GNB4: variants seen among roughly 807,000 people sequenced by gnomAD.
The protein encoded by GNB4 is guanine nucleotide-binding protein subunit beta-4.
In GNB4, 28 loss-of-function variants were observed where a neutral mutation model predicts 45.2. The observed-to-expected ratio is 0.62, with a 90% CI of 0.46 to 0.85. The LOEUF (loss-of-function observed/expected upper bound fraction) is 0.85, where lower values mean the gene tolerates loss of function less well. Among genes scored for constraint, GNB4 ranks in the 40% least tolerant of loss-of-function variants. GNB4 has a pLI of 0.00. For missense variants in GNB4, 321 were observed against 425.4 expected, an observed-to-expected ratio of 0.75 and a Z score of 2.16; for synonymous variants, 132 against 143.7, an observed-to-expected ratio of 0.92 and a Z score of 0.58.
At chr3:179,498,992 C>T in the GNB4 span, among the ~76,000 whole-genome samples, 3 of 151,860 alleles carry the variant, frequency 2.0e-5, no homozygotes, top group African/African-American at 7.3e-5. Context: ...GTTCAACTCC[C>T]GCTTATCAGT....
the GNB4 span, among the ~76,000 whole-genome samples, chr3:179,517,956 G>A: frequency 6.6e-6 from 1 of 152,098 alleles, no homozygotes; most frequent in South Asian, 2.1e-4. Context: ...TTTTCTGGGG[G>A]GCAAGAACCC....
At chr3:179,415,157 A>G (rs2108591356) in intron 5 of GNB4, 110 bp from the exon 6 acceptor site, 2 of 768,396 alleles carry the variant, frequency 2.6e-6, no homozygotes, top group East Asian at 3.1e-5. Flanking sequence ...TCTAAGAAAG[A>G]TAAGTCAAAT....
the GNB4 span, among the ~76,000 whole-genome samples, chr3:179,501,649 C>T: frequency 6.6e-6 from 1 of 152,126 alleles, no homozygotes; most frequent in African/African-American, 2.4e-5. Flanking sequence ...CTTATTTCCT[C>T]TTGGACATTT....
At chr3:179,425,300 G>A (rs1380117776) in intron 2 of GNB4, among the ~76,000 whole-genome samples, 2 of 152,140 alleles carry the variant, frequency 1.3e-5, no homozygotes, top group African/African-American at 2.4e-5. Context: ...GCCTCCCCAC[G>A]TGCTGCTGCT....
chr3:179,397,747 T>C lies in GNB4; in HGVS notation c.*3466A>G, dbSNP rs1004080529. 1 of 152,680 alleles carries C rather than the reference T, an allele frequency of 6.5e-6. No individual in the cohort carries two copies. Among genetic ancestry groups the C allele is most frequent in the African/African-American group, 2.4e-5 (1 of 41,442 alleles). The allele number at this position is 152,680 out of a possible 1,614,324, so 9.5% of individuals were successfully genotyped here. ...CCTTGCTGATGGCAAAAACTGCTTTTTCTTTTTGGGACGGAATCTTGCTCT... is the reference window on the plus strand; with the variant it reads ...CCTTGCTGATGGCAAAAACTGCTTTCTCTTTTTGGGACGGAATCTTGCTCT... On this transcript the variant is annotated 3_prime_UTR_variant, in exon 10 of 10. Coordinates refer to ENST00000232564, the MANE Select transcript of GNB4 (RefSeq NM_021629.4).
chr3:179,422,102 G>T (rs1330740425), intron 2 of GNB4, among the ~76,000 whole-genome samples: 1 of 152,110 alleles, frequency 6.6e-6, no homozygotes, highest in South Asian at 2.1e-4. Flanking sequence ...ACCAATAGGC[G>T]TCAAAAATCT....
the GNB4 span, among the ~76,000 whole-genome samples, chr3:179,522,907 AT>A: frequency 7.2e-4 from 109 of 152,290 alleles, 1 homozygote; most frequent in Non-Finnish European, 1.3e-3. Flanking sequence ...ACAGCTCTGT[AT>A]TTTGGCTGTG....
At chr3:179,525,994 G>T in the GNB4 span, among the ~76,000 whole-genome samples, 1 of 152,244 alleles carries the variant, frequency 6.6e-6, no homozygotes, top group Non-Finnish European at 1.5e-5. Flanking sequence ...CCACCAACAG[G>T]CTTTGTGTGA....
intron 1 of GNB4, among the ~76,000 whole-genome samples, chr3:179,433,610 T>A: frequency 7.1e-6 from 1 of 139,938 alleles, no homozygotes; most frequent in African/African-American, 2.8e-5. Context: ...ACCCTGTCTC[T>A]AACGGTGGAA....
chr3:179,525,174 A>G, the GNB4 span, among the ~76,000 whole-genome samples: 1 of 152,178 alleles, frequency 6.6e-6, no homozygotes, highest in Admixed American at 6.5e-5. Context: ...CTGGACGTCG[A>G]GCACCTCAGA....
the GNB4 span, among the ~76,000 whole-genome samples, chr3:179,480,290 C>G: frequency 4.2e-4 from 64 of 152,244 alleles, no homozygotes; most frequent in Non-Finnish European, 2.2e-4. Context: ...AGACAGCAAC[C>G]CTTTATTTTA....
At chr3:179,421,196 A>T (rs78000506) in intron 2 of GNB4, among the ~76,000 whole-genome samples, 1 of 151,976 alleles carries the variant, frequency 6.6e-6, no homozygotes, top group Non-Finnish European at 1.5e-5. Context: ...AAGAAACCCC[A>T]TATCTCCTAA....
chr3:179,464,569 T>C, the GNB4 span: 4 of 1,522,130 alleles, frequency 2.6e-6, no homozygotes, highest in Non-Finnish European at 3.6e-6. Context: ...ATGATCCTGG[T>C]TGGCGAGAGT....
At chr3:179,460,670 T>C in the GNB4 span, among the ~76,000 whole-genome samples, 7 of 151,978 alleles carry the variant, frequency 4.6e-5, no homozygotes, top group Admixed American at 2.0e-4. Flanking sequence ...ATCAACCTTT[T>C]TTTTAATTTT....
At chr3:179,437,085 A>C (rs528182633) in intron 1 of GNB4, among the ~76,000 whole-genome samples, 1 of 152,248 alleles carries the variant, frequency 6.6e-6, no homozygotes, top group South Asian at 2.1e-4. Flanking sequence ...GACAGACATA[A>C]AAATACACAC....
the GNB4 span, among the ~76,000 whole-genome samples, chr3:179,474,672 AGTCAT>A: frequency 6.9e-6 from 1 of 144,178 alleles, no homozygotes; most frequent in Non-Finnish European, 1.5e-5. Context: ...TGTGACCTGG[AGTCAT>A]GTTGCCCACA....
At chr3:179,459,635 T>C in the GNB4 span, among the ~76,000 whole-genome samples, 11 of 150,452 alleles carry the variant, frequency 7.3e-5, no homozygotes, top group African/African-American at 2.7e-4. Context: ...TGAGCCGAGA[T>C]CGTGCCATTG....
chr3:179,428,949 C>T (rs937333680), intron 1 of GNB4, among the ~76,000 whole-genome samples: 1 of 152,164 alleles, frequency 6.6e-6, no homozygotes, highest in African/African-American at 2.4e-5. Flanking sequence ...AGGCTGAGTG[C>T]CCCTAAGGAT....
the GNB4 span, among the ~76,000 whole-genome samples, chr3:179,522,313 CT>C: frequency 1.3e-5 from 2 of 152,112 alleles, no homozygotes; most frequent in Non-Finnish European, 2.9e-5. Context: ...GAACAACCCC[CT>C]TTTGACTGTA....
Sources: allele counts gnomAD v4.1 joint callset (sites outside exome capture counted in the v4.1 genomes callset), GRCh38; gene constraint gnomAD v4.1.1; transcripts MANE v1.5; gene names NCBI Gene and HGNC (gene_info 2026-07-23, HGNC 2026-07-21).